The following TLN2 variants were observed in gnomAD, a reference collection of about 807,000 sequenced individuals.
TLN2 encodes the protein talin-2.
TLN2 carries 118 observed loss-of-function variants against 294.7 expected under a neutral mutation model. That is an observed-to-expected ratio of 0.40 (90% CI 0.34 to 0.47). The LOEUF is 0.47. Among genes scored for constraint, TLN2 ranks in the 20% least tolerant of loss-of-function variants. The probability of loss-of-function intolerance (pLI) is 0.84; values close to 1 mark genes in which losing one functional copy is unlikely to be tolerated. For missense variants in TLN2, 3,083 were observed against 3,282.2 expected (o/e 0.94, Z 1.48); for synonymous variants, 1,431 against 1,304.5 (o/e 1.10, Z -2.09).
At chr15:62,658,131 C>G (rs2053420670) in intron 9 of TLN2, 1 of 356,586 alleles carries the variant, frequency 2.8e-6, no homozygotes, top group Non-Finnish European at 5.0e-6. Flanking sequence ...CCCCCTCCAC[C>G]CCCTTTTTTT....
chr15:62,734,900 G>A (rs777045648), intron 28 of TLN2, among the ~76,000 whole-genome samples: 7 of 152,314 alleles, frequency 4.6e-5, no homozygotes, highest in East Asian at 1.9e-4. Flanking sequence ...TGCTGTGGAG[G>A]TGCTGACTCA....
At chr15:62,637,317 G>A (rs1475719348) in intron 3 of TLN2, 1 of 152,190 alleles carries the variant, frequency 6.6e-6, no homozygotes, top group East Asian at 1.9e-4. Flanking sequence ...CAAAGTCAGA[G>A]TTCAGTTTAG....
At chr15:62,735,686 G>A (rs891536952) in intron 28 of TLN2, among the ~76,000 whole-genome samples, 4 of 152,134 alleles carry the variant, frequency 2.6e-5, no homozygotes, top group Admixed American at 6.5e-5. Flanking sequence ...ATCTTCTAAA[G>A]CTAAATATAT....
At chr15:62,420,211 T>C (rs1046302274) in intron 1 of TLN2, among the ~76,000 whole-genome samples, 16 of 152,212 alleles carry the variant, frequency 1.1e-4, no homozygotes, top group Non-Finnish European at 2.9e-5. Flanking sequence ...ACTAATGGAA[T>C]TGTATTTAAA....
intron 54 of TLN2, chr15:62,823,835 T>A (rs1482940148): frequency 2.4e-6 from 1 of 416,330 alleles, no homozygotes; most frequent in East Asian, 8.0e-5. Flanking sequence ...TTTCCACATC[T>A]GCAGGCAGAC....
At chr15:62,795,831 A>C (rs960227053) in intron 46 of TLN2, among the ~76,000 whole-genome samples, 1 of 152,174 alleles carries the variant, frequency 6.6e-6, no homozygotes, top group Non-Finnish European at 1.5e-5. Context: ...TAGACACTTT[A>C]CAGATATTTT....
At chr15:62,491,351 T>TACACAC (rs1166046640) in intron 1 of TLN2, among the ~76,000 whole-genome samples, 2,798 of 100,216 alleles carry the variant, frequency 0.028, 38 homozygotes, top group Middle Eastern at 0.037. Context: ...TATATATATA[T>TACACAC]ACACACACAC....
At chr15:62,679,136 G>C (rs2056551639) in intron 11 of TLN2, among the ~76,000 whole-genome samples, 1 of 151,758 alleles carries the variant, frequency 6.6e-6, no homozygotes, top group African/African-American at 2.4e-5. Context: ...GTGTTGGTGA[G>C]GATATGGAAA....
At chr15:62,481,142 A>G (rs1428701881) in intron 1 of TLN2, among the ~76,000 whole-genome samples, 1 of 152,206 alleles carries the variant, frequency 6.6e-6, no homozygotes, top group Non-Finnish European at 1.5e-5. Flanking sequence ...CCTGAAGGGC[A>G]TGTTTCTCTT....
intron 1 of TLN2, among the ~76,000 whole-genome samples, chr15:62,477,507 C>G (rs1386091102): frequency 6.6e-6 from 1 of 152,158 alleles, no homozygotes; most frequent in Non-Finnish European, 1.5e-5. Context: ...TTACCATCAC[C>G]TGCATCTATG....
Position 62,478,202 on chromosome 15 carries a change from G to A in TLN2, c.-238+87517G>A, listed in dbSNP as rs539539214. 2.6e-5 allele frequency among the ~76,000 whole-genome samples: 4 copies of A among 152,120 alleles called. No individual in the cohort carries two copies. The South Asian group carries it at 6.2e-4, about 24-fold the overall frequency. ...GAACTCACCCAGTGGGTCACACAGCGAGAGTGTGCAGTCAGGATCCAGCCT... is the reference window on the plus strand; with the variant it reads ...GAACTCACCCAGTGGGTCACACAGCAAGAGTGTGCAGTCAGGATCCAGCCT... On this transcript the variant is annotated intron_variant, in intron 1 of 58. Coordinates refer to ENST00000636159, the MANE Select transcript of TLN2 (RefSeq NM_015059.3).
intron 22 of TLN2, among the ~76,000 whole-genome samples, chr15:62,713,528 AAT>A (rs2059565219): frequency 6.6e-6 from 1 of 151,594 alleles, no homozygotes; most frequent in Admixed American, 6.6e-5. Context: ...AAAATACAAA[AAT>A]TAGCCAGGCT....
In TLN2 at chr15:62,743,172, G is replaced by A. The variant is rs372597039; in HGVS notation, c.4025+2403G>A. Reference sequence around the variant, plus strand: ...ATAAAAGTGCACAGGAAGCTGGGCAGAAGGGATCTGATCATCATAGTCTCA... The same window carrying A: ...ATAAAAGTGCACAGGAAGCTGGGCAAAAGGGATCTGATCATCATAGTCTCA... On this transcript the variant is annotated intron_variant, in intron 32 of 58. Transcript: ENST00000636159. Among the ~76,000 whole-genome samples, 8 of 152,282 alleles carry A rather than the reference G, an allele frequency of 5.3e-5. No homozygotes were observed. The East Asian group carries it at 7.7e-4, about 15-fold the overall frequency.
chr15:62,618,528 A>G (rs1184146180), intron 3 of TLN2, 53 bp downstream of exon 3: 1 of 152,222 alleles, frequency 6.6e-6, no homozygotes. Flanking sequence ...GGAGGTGATC[A>G]TGACACACAG....
chr15:62,760,755 C>T (rs1428530521), intron 37 of TLN2, among the ~76,000 whole-genome samples: 18 of 152,078 alleles, frequency 1.2e-4, no homozygotes, highest in Admixed American at 1.2e-3. Context: ...CAGCAATAGG[C>T]CTGATCATGC....
In TLN2 at chr15:62,800,379, C is replaced by T. The variant is rs536257910; in HGVS notation, c.6246C>T (p.Ile2082=). 3.1e-6 allele frequency: 5 copies of T among 1,613,814 alleles called. No individual in the cohort carries two copies. The highest frequency in any genetic ancestry group is 1.1e-5 in the South Asian group (1 of 91,028). Reference sequence around the variant, plus strand: ...GTGCTCTCTTTCAGGTGGTTTTGATCAATGCCATCAAAGATGTGGCCAAGG... The same window carrying T: ...GTGCTCTCTTTCAGGTGGTTTTGATTAATGCCATCAAAGATGTGGCCAAGG... The part of the protein sequence containing the change: ...SDDPETQVVL[I]NAIKDVAKAL... The change falls in exon 49 of 59, where the codon ATC becomes ATT. Residue 2082 remains isoleucine, a synonymous_variant. Coordinates refer to ENST00000636159, the MANE Select transcript of TLN2 (RefSeq NM_015059.3).
chr15:62,450,771 A>G (rs1225954882), intron 1 of TLN2, among the ~76,000 whole-genome samples: 7 of 152,028 alleles, frequency 4.6e-5, no homozygotes, highest in Admixed American at 2.6e-4. Flanking sequence ...AGATCTTGCA[A>G]TATTGCCCAG....
intron 23 of TLN2, among the ~76,000 whole-genome samples, chr15:62,716,974 G>A (rs2059818937): frequency 6.6e-6 from 1 of 151,494 alleles, no homozygotes; most frequent in South Asian, 2.1e-4. Context: ...TCTGACAAAT[G>A]CACACAGGAG....
At chr15:62,793,454 ATAAT>A (rs2065221877) in intron 46 of TLN2, among the ~76,000 whole-genome samples, 3 of 152,228 alleles carry the variant, frequency 2.0e-5, no homozygotes, top group Non-Finnish European at 4.4e-5. Flanking sequence ...ATAAAAATAT[ATAAT>A]ATCTGACTGA....
Sources: gnomAD v4.1 joint callset for allele counts (sites outside exome capture counted in the v4.1 genomes callset) on GRCh38, gnomAD v4.1.1 for gene constraint, MANE v1.5 for transcripts, NCBI Gene and HGNC (gene_info 2026-07-23, HGNC 2026-07-21) for gene names.